Variants in LIMCH1 observed in about 807,000 individuals in gnomAD.
The protein encoded by LIMCH1 is LIM and calponin homology domains 1.
A neutral mutation model predicts 176.5 loss-of-function variants in LIMCH1; 113 were observed. The ratio of observed to expected loss-of-function variants is 0.64; its 90% CI spans 0.55 to 0.75. The LOEUF (loss-of-function observed/expected upper bound fraction) is 0.75. LIMCH1 is among the 30% of genes least tolerant of loss of function. LIMCH1 has a pLI of 0.00. For synonymous variants in LIMCH1, 619 were observed against 645.9 expected (o/e 0.96, Z 0.63); for missense variants, 1,674 against 1,814.9 (o/e 0.92, Z 1.41).
At chr4:41,575,631 G>A (rs1035199389) in intron 1 of LIMCH1, among the ~76,000 whole-genome samples, 4 of 152,162 alleles carry the variant, frequency 2.6e-5, no homozygotes, top group Non-Finnish European at 5.9e-5. Flanking sequence ...TAAGGTTAGG[G>A]CCTAAATATA....
chr4:41,360,860 G>A lies in LIMCH1; in HGVS notation c.20G>A (p.Gly7Asp). 3.8e-6 allele frequency: 6 copies of A among 1,573,678 alleles called. No individual in the cohort carries two copies. Among genetic ancestry groups the A allele is most frequent in the Non-Finnish European group, 5.2e-6 (6 of 1,162,644 alleles). Reference sequence around the variant, plus strand: ...GCGCAAATGGCTTGTCCCGCTCTCGGTCTGGAAGCTCTTCAGCCCCTGCAG... The same window carrying A: ...GCGCAAATGGCTTGTCCCGCTCTCGATCTGGAAGCTCTTCAGCCCCTGCAG... The change falls in exon 1 of 27, where the codon GGT (glycine) becomes GAT (aspartate). Residue 7 changes from glycine to aspartate, a missense_variant. Physicochemically the swap from Gly to Asp is moderately conservative, Grantham distance 94 (BLOSUM62 -1). Transcript: ENST00000313860. The surrounding 1 kb of genome is among the most constrained non-coding windows in gnomAD (Gnocchi z 4.5).
rs6447097 is a variant in LIMCH1, at chr4:41,591,185, G to A, written c.-240-7735G>A. ...AAGCCTTTCTGAGGTATGCTAGTCC[G>A]TATTAAAATTTCTTTCTTTCTTTTC... On this transcript the variant is annotated intron_variant, in intron 1 of 31. Transcript: ENST00000503057. Among the ~76,000 whole-genome samples, 135 of 152,094 alleles carry A rather than the reference G, an allele frequency of 8.9e-4. 2 individuals are homozygous for A. The highest frequency in any genetic ancestry group is 3.1e-3 in the African/African-American group (128 of 41,468).
chr4:41,487,011 T>TAC (rs1561517865), intron 1 of LIMCH1, among the ~76,000 whole-genome samples: 2 of 129,534 alleles, frequency 1.5e-5, no homozygotes, highest in African/African-American at 5.9e-5. Context: ...CATATATATA[T>TAC]ACACACGTAC....
intron 1 of LIMCH1, among the ~76,000 whole-genome samples, chr4:41,406,689 G>T (rs975009338): frequency 2.0e-5 from 3 of 152,226 alleles, no homozygotes; most frequent in Admixed American, 1.3e-4. Context: ...TTACAGTGTC[G>T]CACTGTAAAG....
At chr4:41,440,139 G>T (rs557892665) in intron 1 of LIMCH1, among the ~76,000 whole-genome samples, 1 of 152,086 alleles carries the variant, frequency 6.6e-6, no homozygotes, top group African/African-American at 2.4e-5. Flanking sequence ...AAATAAACTT[G>T]AGCATTAATT....
At chr4:41,466,264 CTCT>C (rs1217381718) in intron 1 of LIMCH1, among the ~76,000 whole-genome samples, 1 of 152,144 alleles carries the variant, frequency 6.6e-6, no homozygotes, top group Non-Finnish European at 1.5e-5. Flanking sequence ...TCCAGTCTGG[CTCT>C]TCTTAGAATA....
intron 1 of LIMCH1, among the ~76,000 whole-genome samples, chr4:41,366,507 T>TA (rs745530185): frequency 2.7e-4 from 41 of 152,290 alleles, no homozygotes; most frequent in Admixed American, 5.9e-4. Flanking sequence ...AGGTATCAGA[T>TA]ATGATCTTTT....
At chr4:41,480,219 C>G (rs62411135) in intron 1 of LIMCH1, among the ~76,000 whole-genome samples, 2 of 152,158 alleles carry the variant, frequency 1.3e-5, no homozygotes, top group Admixed American at 6.5e-5. Context: ...TTCCCAAGTG[C>G]CAGACCTGGA....
chr4:41,557,663 C>G (rs370218373), intron 1 of LIMCH1, among the ~76,000 whole-genome samples: 123 of 151,876 alleles, frequency 8.1e-4, no homozygotes, highest in African/African-American at 2.9e-3. Context: ...TAAAACACCA[C>G]TAGAAATTTA....
In LIMCH1 at chr4:41,619,440, G is replaced by GGTAA. The variant is rs776737597; in HGVS notation, c.458+2_458+5dup. 2.4e-5 allele frequency: 39 copies of GGTAA among 1,607,160 alleles called. No homozygotes were observed. The African/African-American group carries it at 4.7e-4, about 19-fold the overall frequency. ...CCGCTGGGTGGGGAGAGGCCCTTCA[G>GGTAA]GTAAGGCCTGAGCACCGCTGCCCTC... On this transcript the variant is annotated stop_gained and frameshift_variant and splice_region_variant. Transcript: ENST00000503057. LOFTEE classifies it high-confidence loss of function.
chr4:41,442,116 A>G (rs558544730), intron 1 of LIMCH1, among the ~76,000 whole-genome samples: 3 of 152,244 alleles, frequency 2.0e-5, no homozygotes, highest in South Asian at 2.1e-4. Flanking sequence ...TCTGGGCAAC[A>G]TGGCGAAACT....
At chr4:41,477,242 T>C (rs1355986446) in intron 1 of LIMCH1, among the ~76,000 whole-genome samples, 1 of 152,204 alleles carries the variant, frequency 6.6e-6, no homozygotes, top group Non-Finnish European at 1.5e-5. Context: ...AGGCTCCTGA[T>C]AGCCCACTGA....
Position 41,645,991 on chromosome 4 carries a change from A to T in LIMCH1, c.2254-132A>T, listed in dbSNP as rs2094035688. The T allele has an allele frequency of 4.8e-6, 4 of 839,938 alleles. No individual in the cohort carries two copies. In the South Asian group the frequency reaches 7.6e-5, roughly 16 times the overall value. The allele number at this position is 839,938 out of a possible 1,614,324, so 52.0% of individuals were successfully genotyped here. A position where few individuals can be genotyped will look rare whatever the true frequency, so the allele number is the denominator to read the frequency against. On this transcript the variant is annotated intron_variant, in intron 15 of 31. Coordinates refer to ENST00000503057, the MANE Select transcript of LIMCH1 (RefSeq NM_001330672.2). ...CAGACTTACATTGGATTGTGTGGGA[A>T]TGCACACGATGTTATAGTGCCTGGG...
At chr4:41,400,727 C>T (rs1427618439) in intron 1 of LIMCH1, among the ~76,000 whole-genome samples, 2 of 152,052 alleles carry the variant, frequency 1.3e-5, no homozygotes, top group African/African-American at 4.8e-5. Flanking sequence ...CTGGAAGGTA[C>T]AGAAAATTAA....
In LIMCH1 at chr4:41,430,698, G is replaced by A. The variant is rs184513417; in HGVS notation, c.97-63838G>A. On this transcript the variant is annotated intron_variant, in intron 1 of 26. Transcript: ENST00000313860. ...ACTTAAATATGATGAAGAAAAATTG[G>A]CTTTACTTAATTTTACATAATGTTT... Among the ~76,000 whole-genome samples the A allele has an allele frequency of 2.6e-5, 4 of 152,234 alleles. No homozygotes were observed. The East Asian group carries it at 7.7e-4, about 29-fold the overall frequency.
chr4:41,575,155 T>G (rs946638887), intron 1 of LIMCH1, among the ~76,000 whole-genome samples: 2 of 152,364 alleles, frequency 1.3e-5, no homozygotes, highest in Admixed American at 1.3e-4. Context: ...TTATTCTGAC[T>G]AGTAGCTGTT....
At chr4:41,546,869 GAA>G (rs1448036268) in intron 1 of LIMCH1, among the ~76,000 whole-genome samples, 5 of 152,082 alleles carry the variant, frequency 3.3e-5, no homozygotes, top group Non-Finnish European at 5.9e-5. Context: ...GCGAGAGAGA[GAA>G]AGAGAGAGAG....
chr4:41,681,095 A>G (rs1448982538), intron 25 of LIMCH1, 36 bp downstream of exon 25: 1 of 1,310,528 alleles, frequency 7.6e-7, no homozygotes, highest in Admixed American at 1.7e-5. Flanking sequence ...TGTGAAATAA[A>G]TAAACCTAAA....
Position 41,469,774 on chromosome 4 carries a change from C to T in LIMCH1, c.97-24762C>T, listed in dbSNP as rs533871676. On this transcript the variant is annotated intron_variant, in intron 1 of 26. Transcript: ENST00000313860. ...TCGGCTCACTGCAACCTCTGCCTCC[C>T]GGGTTCAAGCAATTCTCCTGCCTCA... is the stretch of plus-strand genomic sequence containing the variant. 4.5e-4 allele frequency among the ~76,000 whole-genome samples: 69 copies of T among 152,016 alleles called. No individual in the cohort carries two copies. The East Asian group carries it at 0.011, about 25-fold the overall frequency.
Sources: allele counts gnomAD v4.1 joint callset (sites outside exome capture counted in the v4.1 genomes callset), GRCh38; gene constraint gnomAD v4.1.1; non-coding constraint Gnocchi (gnomAD v3.1); transcripts MANE v1.5; gene names NCBI Gene and HGNC (gene_info 2026-07-23, HGNC 2026-07-21).